NETO1: variants seen among roughly 807,000 people sequenced by gnomAD.
NETO1 encodes neuropilin and tolloid-like protein 1.
Under a neutral mutation model 61.3 loss-of-function variants are expected in NETO1, and 26 were observed. The ratio of observed to expected loss-of-function variants is 0.42; its 90% confidence interval spans 0.31 to 0.59. NETO1 has a LOEUF of 0.59. Among genes scored for constraint, NETO1 ranks in the 20% least tolerant of loss-of-function variants. The probability of loss-of-function intolerance (pLI) is 0.12; values close to 1 mark genes in which losing one functional copy is unlikely to be tolerated. For missense variants in NETO1, 531 were observed against 662.8 expected (o/e 0.80, Z 2.18); for synonymous variants, 225 against 225.8 (o/e 1.00, Z 0.03).
intron 4 of NETO1, chr18:72,835,223 C>A: frequency 6.8e-7 from 1 of 1,469,930 alleles, no homozygotes; most frequent in South Asian, 1.4e-5. Context: ...GGTGTTAGAT[C>A]AACGTTCTGG....
At chr18:72,761,546 A>G (rs12606963) in intron 7 of NETO1, among the ~76,000 whole-genome samples, 44,706 of 152,048 alleles carry the variant, frequency 0.29, 7,734 homozygotes, top group South Asian at 0.4. Flanking sequence ...AGACATTCAG[A>G]TCCCATCTTG....
intron 4 of NETO1, among the ~76,000 whole-genome samples, chr18:72,802,695 G>T (rs1424414276): frequency 6.6e-6 from 1 of 152,194 alleles, no homozygotes; most frequent in Non-Finnish European, 1.5e-5. Flanking sequence ...CAAAAACAAT[G>T]GTGGAGAGAA....
chr18:72,743,954 T>C lies in NETO1; in HGVS notation c.*4225A>G, dbSNP rs1300032889. The C allele has an allele frequency of 1.3e-5, 2 of 152,114 alleles. No homozygotes were observed. Among genetic ancestry groups the C allele is most frequent in the African/African-American group, 2.4e-5 (1 of 41,438 alleles). The allele number at this position is 152,114 out of a possible 1,614,324, so 9.4% of individuals were successfully genotyped here. On this transcript the variant is annotated 3_prime_UTR_variant, in exon 11 of 11. Coordinates refer to ENST00000327305, the MANE Select transcript of NETO1 (RefSeq NM_138966.5). The stretch of plus-strand genomic sequence containing the variant: ...TGGGGACAAAAAAGAACATGTTGGC[T>C]GCACAGTACTTACAGATATAAAGGA...
rs550870539 is a variant in NETO1 at position 72,744,986 on chromosome 18, A to T, written c.*3193T>A. The T allele has an allele frequency of 1.3e-5, 2 of 152,206 alleles. No homozygotes were observed. The allele number at this position is 152,206 out of a possible 1,614,324, so 9.4% of individuals were successfully genotyped here. Reference sequence around the variant, plus strand: ...CTTAAGTGAATATTAAAGTAATGCCAACCGTCTAAGTTACTTAACACTGAG... The same window carrying T: ...CTTAAGTGAATATTAAAGTAATGCCTACCGTCTAAGTTACTTAACACTGAG... On this transcript the variant is annotated 3_prime_UTR_variant, in exon 11 of 11. Transcript: ENST00000327305.
chr18:72,867,191 C>A, intron 1 of NETO1, 73 bp downstream of exon 1: 2 of 1,203,928 alleles, frequency 1.7e-6, no homozygotes, highest in Non-Finnish European at 1.1e-6. Flanking sequence ...GCTTTTCCTG[C>A]GCGTTCGGCC....
Position 72,867,790 on chromosome 18 carries a change from G to C in NETO1, c.-499C>G, listed in dbSNP as rs2074786377. ...AGCGACGGAGCGGGCGGCGGCGGCG[G>C]CGCCGGCGGCGGCGGGGTGGCTCAG... On this transcript the variant is annotated 5_prime_UTR_variant, in exon 1 of 11. Coordinates refer to ENST00000327305, the MANE Select transcript of NETO1 (RefSeq NM_138966.5). 2 of 158,124 alleles carry C rather than the reference G, an allele frequency of 1.3e-5. No individual in the cohort carries two copies. The highest frequency in any genetic ancestry group is 2.4e-5 in the African/African-American group (1 of 40,862). 9.8% of individuals were successfully genotyped at this position (158,124 alleles called of 1,614,324 possible).
chr18:72,778,498 C>T (rs937858015), intron 7 of NETO1, among the ~76,000 whole-genome samples: 3 of 152,060 alleles, frequency 2.0e-5, no homozygotes, highest in Admixed American at 1.3e-4. Context: ...ACACTTTGCC[C>T]GGACATTTTC....
In NETO1 at chr18:72,830,346, C is replaced by T. The variant is rs932008959; in HGVS notation, c.469+28480G>A. Among the ~76,000 whole-genome samples, 5 of 152,086 alleles carry T rather than the reference C, an allele frequency of 3.3e-5. No homozygotes were observed. The highest frequency in any genetic ancestry group is 2.6e-4 in the Admixed American group (4 of 15,262). On this transcript the variant is annotated intron_variant, in intron 4 of 10. Coordinates refer to ENST00000327305, the MANE Select transcript of NETO1 (RefSeq NM_138966.5). This position sits in a 1 kb window ranked among gnomAD's most constrained non-coding sequence, Gnocchi z 4.9. ...CAGCACCCTGGACAGCGTCCAAACC[C>T]CAGAAACGGGTTGGCAGGGAGGCCA... is the stretch of plus-strand genomic sequence containing the variant.
At chr18:72,798,996 A>G (rs1407347207) in intron 4 of NETO1, among the ~76,000 whole-genome samples, 4 of 152,222 alleles carry the variant, frequency 2.6e-5, no homozygotes, top group African/African-American at 9.7e-5. Context: ...TTTAAAAGAA[A>G]ACAAAAACAT....
chr18:72,799,969 A>G (rs542826590), intron 4 of NETO1, among the ~76,000 whole-genome samples: 1 of 152,372 alleles, frequency 6.6e-6, no homozygotes, highest in African/African-American at 2.4e-5. Flanking sequence ...GTCAGCAAAT[A>G]AAGTGACTGC....
intron 1 of NETO1, chr18:72,866,773 G>A (rs1398849661): frequency 2.0e-6 from 2 of 992,668 alleles, no homozygotes; most frequent in African/African-American, 3.5e-5. Context: ...CGGTCTCCAG[G>A]GCGGAAAGGG....
At chr18:72,763,503 C>G (rs1045954401) in intron 7 of NETO1, among the ~76,000 whole-genome samples, 1 of 152,102 alleles carries the variant, frequency 6.6e-6, no homozygotes, top group Non-Finnish European at 1.5e-5. Context: ...TGAGCTTCGT[C>G]TAAAACACCC....
intron 4 of NETO1, among the ~76,000 whole-genome samples, chr18:72,820,980 T>C (rs568322925): frequency 9.9e-5 from 15 of 152,154 alleles, no homozygotes; most frequent in Middle Eastern, 3.4e-3. Context: ...TTATAGGTGA[T>C]AGATAGACAG....
chr18:72,833,322 A>G (rs560252428), intron 4 of NETO1, among the ~76,000 whole-genome samples: 1 of 152,256 alleles, frequency 6.6e-6, no homozygotes, highest in Admixed American at 6.5e-5. Context: ...TTGAATGCTA[A>G]TATTTCAAGA....
Position 72,748,173 on chromosome 18 carries a change from A to T in NETO1, c.*15-9T>A. ...GTATAAATAGTTCTTCTCTGAAAAT[A>T]AAAAACAGTTAAAACATTTTCTCCC... On this transcript the variant is annotated splice_polypyrimidine_tract_variant and intron_variant, in intron 10 of 10. Coordinates refer to ENST00000327305, the MANE Select transcript of NETO1 (RefSeq NM_138966.5). 2.0e-6 allele frequency: 2 copies of T among 982,588 alleles called. No homozygotes were observed. Among genetic ancestry groups the T allele is most frequent in the Non-Finnish European group, 2.4e-6 (2 of 826,908 alleles). 60.9% of individuals were successfully genotyped at this position (982,588 alleles called of 1,614,324 possible). A position where few individuals can be genotyped will look rare whatever the true frequency, so the allele number is the denominator to read the frequency against.
downstream of NETO1, among the ~76,000 whole-genome samples, chr18:72,742,974 C>T (rs2070365673): frequency 6.6e-6 from 1 of 152,110 alleles, no homozygotes; most frequent in Admixed American, 6.5e-5. Context: ...TAACAATCTG[C>T]CCGTTACTCT....
At chr18:72,790,966 TTATGAA>T (rs201412161) in intron 6 of NETO1, among the ~76,000 whole-genome samples, 1,789 of 152,250 alleles carry the variant, frequency 0.012, 27 homozygotes, top group South Asian at 0.015. Flanking sequence ...CCAGACCAGA[TTATGAA>T]TTAGACCCCA....
In NETO1 at chr18:72,863,810, GT is replaced by G. The variant is rs1263300998; in HGVS notation, c.220+997del. 1.4e-4 allele frequency among the ~76,000 whole-genome samples: 21 copies of G among 152,318 alleles called. No homozygotes were observed. In the South Asian group the frequency reaches 3.9e-3, roughly 29 times the overall value. On this transcript the variant is annotated intron_variant, in intron 3 of 10. Transcript: ENST00000327305. ...TTAAGACAGTCTTGCCTGTGTGTGTGTGTGGGGGGAAGGTGGGTGCTTCCAG... is the reference window on the plus strand; with the variant it reads ...TTAAGACAGTCTTGCCTGTGTGTGTGGTGGGGGGAAGGTGGGTGCTTCCAG...
intron 4 of NETO1, among the ~76,000 whole-genome samples, chr18:72,805,343 A>G (rs2072640453): frequency 6.6e-6 from 1 of 152,200 alleles, no homozygotes; most frequent in Non-Finnish European, 1.5e-5. Context: ...CAAATATTCT[A>G]CACAAATGAA....
Sources: gnomAD v4.1 joint callset for allele counts (sites outside exome capture counted in the v4.1 genomes callset) on GRCh38, gnomAD v4.1.1 for gene constraint, Gnocchi (gnomAD v3.1) non-coding constraint, MANE v1.5 for transcripts, NCBI Gene and HGNC (gene_info 2026-07-23, HGNC 2026-07-21) for gene names.